The following PRPF39 variants were observed in gnomAD, a reference collection of about 807,000 sequenced individuals.
PRPF39 encodes pre-mRNA processing factor 39, also known as pre-mRNA-processing factor 39.
Under a neutral mutation model 82.1 loss-of-function variants are expected in PRPF39, and 27 were observed. That is an observed-to-expected ratio of 0.33 (90% CI 0.24 to 0.45). The LOEUF is 0.45. Ranked by LOEUF, PRPF39 falls within the 20% of genes least tolerant of loss-of-function variation. PRPF39 has a pLI of 1.00. For synonymous variants in PRPF39, 261 were observed against 256.4 expected (o/e 1.02, Z -0.17); for missense variants, 581 against 796.9 (o/e 0.73, Z 3.26).
intron 4 of PRPF39, among the ~76,000 whole-genome samples, chr14:45,100,071 T>C (rs1884326111): frequency 6.6e-6 from 1 of 152,030 alleles, no homozygotes; most frequent in South Asian, 2.1e-4. Context: ...CTACTTAAAA[T>C]ACAAAAAAAT....
At chr14:45,103,441 T>G (rs1003615266) in intron 5 of PRPF39, among the ~76,000 whole-genome samples, 2 of 152,078 alleles carry the variant, frequency 1.3e-5, no homozygotes, top group Non-Finnish European at 2.9e-5. Context: ...ATAAACTTAG[T>G]ATTTTCTATT....
intron 4 of PRPF39, among the ~76,000 whole-genome samples, chr14:45,097,223 G>T (rs939434550): frequency 6.6e-6 from 1 of 151,798 alleles, no homozygotes; most frequent in Non-Finnish European, 1.5e-5. Context: ...ACTCCTCAAG[G>T]TTAATAGCTT....
rs530920776 is a variant in PRPF39 at position 45,097,379 on chromosome 14, T to C, written c.569+374T>C. ...TTACAAAAAGTATTTTATAATACTT[T>C]ATAAAAAGTATCTTATAAGCCAAAG... On this transcript the variant is annotated intron_variant, in intron 4 of 13. Coordinates refer to ENST00000355765, the MANE Select transcript of PRPF39 (RefSeq NM_017922.4). Among the ~76,000 whole-genome samples the C allele has an allele frequency of 4.6e-5, 7 of 152,302 alleles. No individual in the cohort carries two copies. In the East Asian group the frequency reaches 1.3e-3, roughly 29 times the overall value.
chr14:45,107,459 A>C lies in PRPF39; in HGVS notation c.746A>C (p.Glu249Ala). The stretch of plus-strand genomic sequence containing the variant: ...TTATTGTCTTCCTTTAGATTTAAAG[A>C]ACATGTACAGAATAATTTGCCTAGA... ...LYSHHFQRFK[E>A]HVQNNLPRDL... The change falls in exon 6 of 14, where the codon GAA becomes GCA. Residue 249 changes from glutamate (E) to alanine (A), a missense_variant. By Grantham distance (107) the Glu-to-Ala change is moderately radical. Transcript: ENST00000355765. The C allele has an allele frequency of 6.5e-7, 1 of 1,536,648 alleles. No homozygotes were observed. The highest frequency in any genetic ancestry group is 8.9e-7 in the Non-Finnish European group (1 of 1,128,594).
chr14:45,096,949 C>T lies in PRPF39; in HGVS notation c.513C>T (p.Asn171=). ...LSVDLWIHYI[N]FLKETLDPGD... ...TTGACCTTTGGATACATTATATAAA[C>T]TTCTTAAAAGAAACATTGGACCCTG... Residue 171 remains asparagine (N), a synonymous_variant, in exon 4 of 14, where the codon AAC becomes AAT. Coordinates refer to ENST00000355765, the MANE Select transcript of PRPF39 (RefSeq NM_017922.4). 6.4e-7 allele frequency: 1 copy of T among 1,553,150 alleles called. No homozygotes were observed. The highest frequency in any genetic ancestry group is 2.4e-5 in the East Asian group (1 of 41,396).
chr14:45,114,458 G>C (rs375544871), intron 12 of PRPF39, 36 bp from the exon 13 acceptor site: 1 of 1,528,810 alleles, frequency 6.5e-7, no homozygotes, highest in Non-Finnish European at 8.7e-7. Flanking sequence ...TTACCTGTGG[G>C]AGTTTTGAAA....
chr14:45,098,462 AG>A (rs1884269646), intron 4 of PRPF39, among the ~76,000 whole-genome samples: 6 of 138,278 alleles, frequency 4.3e-5, no homozygotes, highest in South Asian at 2.7e-4. Flanking sequence ...AAAAAAAAAA[AG>A]AGAGAGAGAT....
At chr14:45,103,154 A>G (rs1441426884) in intron 5 of PRPF39, among the ~76,000 whole-genome samples, 1 of 152,156 alleles carries the variant, frequency 6.6e-6, no homozygotes, top group African/African-American at 2.4e-5. Context: ...TGCATTTTAT[A>G]TAGTAAGTAG....
In PRPF39 at chr14:45,116,105, C is replaced by T; in HGVS notation, c.*1192C>T. 1.1e-6 allele frequency: 1 copy of T among 879,026 alleles called. No individual in the cohort carries two copies. Among genetic ancestry groups the T allele is most frequent in the Non-Finnish European group, 1.9e-6 (1 of 539,842 alleles). 54.5% of individuals were successfully genotyped at this position (879,026 alleles called of 1,614,324 possible). ...AATTTTCCAGTTGACTCTTCCTTTA[C>T]AATAGTAACAAGTTCTAACTAGTTG... is the stretch of plus-strand genomic sequence containing the variant. On this transcript the variant is annotated 3_prime_UTR_variant, in exon 14 of 14. Transcript: ENST00000355765.
intron 1 of PRPF39, 59 bp downstream of exon 1, chr14:45,084,308 A>T (rs1242672259): frequency 6.6e-6 from 1 of 152,632 alleles, no homozygotes; most frequent in Non-Finnish European, 1.5e-5. Flanking sequence ...TTGGTACTGA[A>T]AGGGGCCTGC....
In PRPF39 at chr14:45,096,160, T is replaced by C; in HGVS notation, c.382T>C (p.Cys128Arg). 6.3e-7 allele frequency: 1 copy of C among 1,590,646 alleles called. No individual in the cohort carries two copies. The highest frequency in any genetic ancestry group is 8.6e-7 in the Non-Finnish European group (1 of 1,167,472). Residue 128 changes from cysteine (C) to arginine (R), a missense_variant, in exon 3 of 14, where the codon TGC becomes CGC. Physicochemically the swap from Cys to Arg is radical, Grantham distance 180. Transcript: ENST00000355765. The stretch of plus-strand genomic sequence containing the variant: ...CAGATTTTTCATACACTATCCGTAT[T>C]GCTATGGTTACTGGAAAAAGTATGC... ...FDRFFIHYPY[C>R]YGYWKKYADL...
In PRPF39 at chr14:45,110,431, G is replaced by A. The variant is rs902704770; in HGVS notation, c.1304-118G>A. 1.2e-5 allele frequency: 15 copies of A among 1,236,216 alleles called. No homozygotes were observed. In the African/African-American group the frequency reaches 2.1e-4, roughly 18 times the overall value. The allele number at this position is 1,236,216 out of a possible 1,614,324, so 76.6% of individuals were successfully genotyped here. A position where few individuals can be genotyped will look rare whatever the true frequency, so the allele number is the denominator to read the frequency against. On this transcript the variant is annotated intron_variant, in intron 9 of 13. Transcript: ENST00000355765. The surrounding 1 kb of genome is among the most constrained non-coding windows in gnomAD (Gnocchi z 4.0). ...CATAGGCAGTGTGTAAATATGCATG[G>A]CTGTTTCCCATTATTAGTTGCTGGA...
At chr14:45,106,597 C>T (rs1884541126) in intron 5 of PRPF39, among the ~76,000 whole-genome samples, 1 of 151,928 alleles carries the variant, frequency 6.6e-6, no homozygotes, top group Non-Finnish European at 1.5e-5. Context: ...TAAAACTAAT[C>T]CACATTTCTT....
intron 4 of PRPF39, among the ~76,000 whole-genome samples, chr14:45,099,448 A>T (rs2139049354): frequency 6.6e-6 from 1 of 150,742 alleles, no homozygotes; most frequent in South Asian, 2.1e-4. Context: ...TCAGATTATT[A>T]TTATTTTTTT....
intron 1 of PRPF39, among the ~76,000 whole-genome samples, chr14:45,092,486 A>G (rs1884062046): frequency 6.6e-6 from 1 of 151,752 alleles, no homozygotes; most frequent in South Asian, 2.1e-4. Context: ...CTGTAGTCCC[A>G]GCTACTCAGG....
chr14:45,111,197 CAT>C (rs1375553849), intron 10 of PRPF39, among the ~76,000 whole-genome samples: 3 of 152,078 alleles, frequency 2.0e-5, no homozygotes, highest in African/African-American at 4.8e-5. Context: ...TTTGCTTCTC[CAT>C]AGAGTACTTT....
intron 4 of PRPF39, among the ~76,000 whole-genome samples, chr14:45,097,685 G>T (rs547002022): frequency 2.6e-5 from 4 of 151,926 alleles, no homozygotes; most frequent in Admixed American, 2.6e-4. Flanking sequence ...TGCTCATCCT[G>T]GTTTACCATG....
chr14:45,106,687 C>A (rs904227875), intron 5 of PRPF39, among the ~76,000 whole-genome samples: 11 of 152,042 alleles, frequency 7.2e-5, no homozygotes, highest in Admixed American at 2.0e-4. Flanking sequence ...TGAGAGTCAT[C>A]ATGGTATACT....
intron 1 of PRPF39, among the ~76,000 whole-genome samples, chr14:45,093,232 T>A (rs1427981902): frequency 2.6e-5 from 4 of 152,174 alleles, no homozygotes; most frequent in East Asian, 3.9e-4. Flanking sequence ...GATTTATTTT[T>A]TTTTTTTTGA....
Sources: allele counts gnomAD v4.1 joint callset (sites outside exome capture counted in the v4.1 genomes callset), GRCh38; gene constraint gnomAD v4.1.1; non-coding constraint Gnocchi (gnomAD v3.1); transcripts MANE v1.5; gene names NCBI Gene and HGNC (gene_info 2026-07-23, HGNC 2026-07-21).